The following PCDHGB3 variants were observed in gnomAD, a reference collection of about 807,000 sequenced individuals.
The protein encoded by PCDHGB3 is protocadherin gamma-B3.
Under a neutral mutation model 59.2 loss-of-function variants are expected in PCDHGB3, and 40 were observed. The ratio of observed to expected loss-of-function variants is 0.68; its 90% CI spans 0.52 to 0.88. PCDHGB3 has a LOEUF of 0.88. Among genes scored for constraint, PCDHGB3 ranks in the 40% least tolerant of loss-of-function variants. The pLI, the probability that PCDHGB3 is intolerant of heterozygous loss-of-function variation, is 0.00. For synonymous variants in PCDHGB3, 581 were observed against 503.6 expected, an observed-to-expected ratio of 1.15 and a Z score of -2.06; for missense variants, 1,309 against 1,187.9, an observed-to-expected ratio of 1.10 and a Z score of -1.50.
rs531352412 is a variant in PCDHGB3, at chr5:141,382,380, A to G, written c.2415+9571A>G. ...AATAAAATTTACCTTTTTGCCTTCAATAACTGATTTTCCCATGTGCAATAA... is the reference window on the plus strand; with the variant it reads ...AATAAAATTTACCTTTTTGCCTTCAGTAACTGATTTTCCCATGTGCAATAA... On this transcript the variant is annotated intron_variant, in intron 1 of 3. Coordinates refer to ENST00000576222, the MANE Select transcript of PCDHGB3 (RefSeq NM_018924.5). 3.3e-5 allele frequency among the ~76,000 whole-genome samples: 5 copies of G among 152,324 alleles called. No individual in the cohort carries two copies. The South Asian group carries it at 8.3e-4, about 25-fold the overall frequency.
In PCDHGB3 at chr5:141,461,039, C is replaced by T. The variant is rs1026091108; in HGVS notation, c.2416-33768C>T. On this transcript the variant is annotated intron_variant, in intron 1 of 3. Coordinates refer to ENST00000576222, the MANE Select transcript of PCDHGB3 (RefSeq NM_018924.5). ...ACATTTTCTTTATCCACTCATTAGT[C>T]GATGGGGACTTAGGTTGGTTTCACA... is the stretch of plus-strand genomic sequence containing the variant. 2.7e-5 allele frequency among the ~76,000 whole-genome samples: 4 copies of T among 150,906 alleles called. No homozygotes were observed. In the East Asian group the frequency reaches 7.8e-4, roughly 29 times the overall value.
At chr5:141,424,526 T>C (rs1020206614) in intron 1 of PCDHGB3, 2 of 152,216 alleles carry the variant, frequency 1.3e-5, no homozygotes, top group Non-Finnish European at 2.9e-5. Context: ...AGTAAATCCA[T>C]ATATAGAAAT....
chr5:141,432,128 T>C lies in PCDHGB3; in HGVS notation c.2415+59319T>C. 3 of 1,614,080 alleles carry C rather than the reference T, an allele frequency of 1.9e-6. No homozygotes were observed. Among genetic ancestry groups the C allele is most frequent in the Non-Finnish European group, 2.5e-6 (3 of 1,180,016 alleles). On this transcript the variant is annotated intron_variant, in intron 1 of 3. Coordinates refer to ENST00000576222, the MANE Select transcript of PCDHGB3 (RefSeq NM_018924.5). This position sits in a 1 kb window ranked among gnomAD's most constrained non-coding sequence, Gnocchi z 6.0. ...CCCGCCGGTCTTCCCTCAGGCCTCC[T>C]ATTCCGCTTATATCCCAGAGAACAA... is the stretch of plus-strand genomic sequence containing the variant.
At chr5:141,392,791 G>C in intron 1 of PCDHGB3, 6 of 1,557,838 alleles carry the variant, frequency 3.9e-6, no homozygotes, top group Admixed American at 2.0e-5. Context: ...AAGATTCTGA[G>C]AGGATTCTGC....
intron 1 of PCDHGB3, chr5:141,393,283 C>T (rs2150516449): frequency 6.2e-7 from 1 of 1,613,988 alleles, no homozygotes; most frequent in Middle Eastern, 1.6e-4. Flanking sequence ...CTCCCAGAAG[C>T]TGTTGACCCG....
At position 141,432,476 on chromosome 5, in the gene PCDHGB3, A is replaced by T. The variant is rs778378071; in HGVS notation, c.2415+59667A>T. On this transcript the variant is annotated intron_variant, in intron 1 of 3. Transcript: ENST00000576222. This position sits in a 1 kb window ranked among gnomAD's most constrained non-coding sequence, Gnocchi z 6.0. ...CCCCGCCCTCCCCACGGACGGTTCC[A>T]CTGGCGTGGAGCTGGCTCCCCGCTC... 4.6e-5 allele frequency: 75 copies of T among 1,613,962 alleles called. No homozygotes were observed. In the South Asian group the frequency reaches 7.9e-4, roughly 17 times the overall value.
intron 1 of PCDHGB3, chr5:141,390,870 G>A (rs1003231489): frequency 2.2e-5 from 3 of 134,656 alleles, no homozygotes; most frequent in African/African-American, 9.4e-5. Context: ...GTGTGTGCGT[G>A]TGTGTGTGTG....
At chr5:141,404,320 C>T (rs577477279) in intron 1 of PCDHGB3, 8 of 1,613,920 alleles carry the variant, frequency 5.0e-6, no homozygotes, top group Admixed American at 1.7e-5. Flanking sequence ...CTCAAGCCTC[C>T]TACTCAGTCT....
intron 1 of PCDHGB3, chr5:141,388,735 C>A: frequency 6.2e-7 from 1 of 1,613,974 alleles, no homozygotes; most frequent in East Asian, 2.2e-5. Context: ...TTCAGTGAAG[C>A]TAGCCAGATC....
rs370432555 is a variant in PCDHGB3 at position 141,388,865 on chromosome 5, G to A, written c.2415+16056G>A. On this transcript the variant is annotated intron_variant, in intron 1 of 3. Transcript: ENST00000576222. Reference sequence around the variant, plus strand: ...CAAGGGACGGTGGAGGAATGATTGCGCAATGCACAGTGGAGGTAGAAGTCA... The same window carrying A: ...CAAGGGACGGTGGAGGAATGATTGCACAATGCACAGTGGAGGTAGAAGTCA... 10 of 1,613,808 alleles carry A rather than the reference G, an allele frequency of 6.2e-6. No homozygotes were observed. In the East Asian group the frequency reaches 6.7e-5, roughly 11 times the overall value.
chr5:141,477,379 A>C lies in PCDHGB3; in HGVS notation c.2416-17428A>C, dbSNP rs1293075706. The stretch of plus-strand genomic sequence containing the variant: ...CAGACCTGGATCGGGAGACTGTGCC[A>C]GAATACAACCTCAGCATCACCGCCC... On this transcript the variant is annotated intron_variant, in intron 1 of 3. Transcript: ENST00000576222. This position sits in a 1 kb window ranked among gnomAD's most constrained non-coding sequence, Gnocchi z 4.9. 2 of 1,614,184 alleles carry C rather than the reference A, an allele frequency of 1.2e-6. No homozygotes were observed. Among genetic ancestry groups the C allele is most frequent in the Non-Finnish European group, 1.7e-6 (2 of 1,180,034 alleles).
At chr5:141,380,618 G>A (rs531927290) in intron 1 of PCDHGB3, among the ~76,000 whole-genome samples, 15 of 152,210 alleles carry the variant, frequency 9.9e-5, no homozygotes, top group South Asian at 4.1e-4. Flanking sequence ...TATGATGTTC[G>A]ATAACTTAGA....
chr5:141,371,704 C>A lies in PCDHGB3; in HGVS notation c.1310C>A (p.Thr437Asn). The change falls in exon 1 of 4, where the codon ACC (threonine) becomes AAC (asparagine). Residue 437 changes from threonine (T) to asparagine (N), a missense_variant. Transcript: ENST00000576222. Reference sequence around the variant, plus strand: ...AATCCACCGCTCTCCTCCAGCAAGACCATCACTCTGCACATCCTTGATGTC... The same window carrying A: ...AATCCACCGCTCTCCTCCAGCAAGAACATCACTCTGCACATCCTTGATGTC... ...KGNPPLSSSK[T>N]ITLHILDVND... is the part of the protein sequence containing the mutation. 1 of 1,614,030 alleles carries A rather than the reference C, an allele frequency of 6.2e-7. No individual in the cohort carries two copies. The highest frequency in any genetic ancestry group is 8.5e-7 in the Non-Finnish European group (1 of 1,179,896).
intron 1 of PCDHGB3, chr5:141,389,589 G>C (rs780685929): frequency 8.1e-6 from 13 of 1,613,168 alleles, no homozygotes; most frequent in Non-Finnish European, 1.1e-5. Context: ...GGGTCCCGAC[G>C]GCTCTGCGCT....
intron 2 of PCDHGB3, among the ~76,000 whole-genome samples, chr5:141,500,844 T>C (rs190011905): frequency 6.6e-6 from 1 of 152,204 alleles, no homozygotes; most frequent in Non-Finnish European, 1.5e-5. Flanking sequence ...AATGGGCTTT[T>C]GCTACATTAG....
intron 1 of PCDHGB3, among the ~76,000 whole-genome samples, chr5:141,434,742 G>A (rs1177333213): frequency 6.6e-6 from 1 of 151,500 alleles, no homozygotes; most frequent in Non-Finnish European, 1.5e-5. Context: ...TGAAGGCTAT[G>A]AGACCCCTGA....
intron 1 of PCDHGB3, chr5:141,400,422 T>C (rs1460679509): frequency 1.2e-6 from 2 of 1,613,936 alleles, no homozygotes; most frequent in Non-Finnish European, 1.7e-6. Flanking sequence ...TCCTAAAATG[T>C]AGTGAGCAAT....
chr5:141,384,666 C>CA, intron 1 of PCDHGB3: 2 of 1,614,220 alleles, frequency 1.2e-6, no homozygotes, highest in Non-Finnish European at 1.7e-6. Flanking sequence ...ACCTGGTGAC[C>CA]AAGGTGGTGG....
chr5:141,409,022 A>G (rs1258261622), intron 1 of PCDHGB3: 1 of 1,614,046 alleles, frequency 6.2e-7, no homozygotes, highest in Non-Finnish European at 8.5e-7. Flanking sequence ...TGAGGGGGTC[A>G]ATGCTGAGAT....
Sources: allele counts gnomAD v4.1 joint callset (sites outside exome capture counted in the v4.1 genomes callset), GRCh38; gene constraint gnomAD v4.1.1; non-coding constraint Gnocchi (gnomAD v3.1); transcripts MANE v1.5; gene names NCBI Gene and HGNC (gene_info 2026-07-23, HGNC 2026-07-21).